RELN: variants seen among roughly 807,000 people sequenced by gnomAD.
The protein encoded by RELN is reelin.
In RELN, 108 loss-of-function variants were observed where a neutral mutation model predicts 427.6. The ratio of observed to expected loss-of-function variants is 0.25; its 90% confidence interval spans 0.22 to 0.30. The LOEUF (loss-of-function observed/expected upper bound fraction) is 0.30. Ranked by LOEUF, RELN falls within the 10% of genes least tolerant of loss-of-function variation. The pLI is 1.00. For missense variants in RELN, 3,715 were observed against 4,302.8 expected (o/e 0.86, Z 3.82); for synonymous variants, 1,524 against 1,513.4 (o/e 1.01, Z -0.16).
At chr7:103,909,606 C>T (rs1359754528) in intron 2 of RELN, among the ~76,000 whole-genome samples, 1 of 126,908 alleles carries the variant, frequency 7.9e-6, no homozygotes, top group Non-Finnish European at 1.6e-5. Context: ...GACTTCATCT[C>T]AAAAACAAAC....
At chr7:103,776,371 C>T (rs951046954) in intron 4 of RELN, among the ~76,000 whole-genome samples, 186 bp downstream of exon 4, 1 of 152,132 alleles carries the variant, frequency 6.6e-6, no homozygotes, top group African/African-American at 2.4e-5. Context: ...CACTTAGTAT[C>T]TTCAAAAGTC....
At chr7:103,629,863 C>A (rs1270618583) in intron 20 of RELN, 77 bp downstream of exon 20, 4 of 938,980 alleles carry the variant, frequency 4.3e-6, no homozygotes, top group Admixed American at 1.7e-5. Flanking sequence ...TGACTAAATG[C>A]TGAATAGACT....
At chr7:103,655,813 G>C (rs750763297) in intron 12 of RELN, among the ~76,000 whole-genome samples, 2 of 152,072 alleles carry the variant, frequency 1.3e-5, no homozygotes, top group African/African-American at 2.4e-5. Flanking sequence ...TCCCACAGTG[G>C]AACAGGATGC....
chr7:103,917,226 A>G (rs754913407), intron 1 of RELN, 41 bp from the exon 2 acceptor site: 7 of 1,385,182 alleles, frequency 5.1e-6, no homozygotes, highest in Non-Finnish European at 7.2e-6. Context: ...CAATACAGTC[A>G]GAATAACACA....
rs1797177356 is a variant in RELN at position 103,989,374 on chromosome 7, C to T, written c.-18G>A. On this transcript the variant is annotated 5_prime_UTR_variant, in exon 1 of 65. Coordinates refer to ENST00000428762, the MANE Select transcript of RELN (RefSeq NM_005045.4). This position sits in a 1 kb window ranked among gnomAD's most constrained non-coding sequence, Gnocchi z 4.9. ...CGCTCCATGCCGCCGCCGCCGCCGC[C>T]GCCGCCGCGCGCCCTACGCGCCGCT... The T allele has an allele frequency of 1.4e-6, 2 of 1,425,344 alleles. No individual in the cohort carries two copies. Among genetic ancestry groups the T allele is most frequent in the Non-Finnish European group, 1.8e-6 (2 of 1,094,674 alleles). 88.3% of individuals were successfully genotyped at this position (1,425,344 alleles called of 1,614,324 possible).
intron 46 of RELN, among the ~76,000 whole-genome samples, chr7:103,534,211 ATAACTC>A (rs774791920): frequency 6.6e-6 from 1 of 152,230 alleles, no homozygotes; most frequent in Non-Finnish European, 1.5e-5. Flanking sequence ...AGCCCAAACT[ATAACTC>A]CTGTTCCACA....
intron 2 of RELN, among the ~76,000 whole-genome samples, chr7:103,838,587 G>A (rs1040105033): frequency 3.9e-5 from 6 of 152,168 alleles, no homozygotes; most frequent in Admixed American, 6.5e-5. Context: ...CTCAGGAGCT[G>A]CCACTCCCCT....
chr7:103,925,462 T>C (rs925677639), intron 1 of RELN, among the ~76,000 whole-genome samples: 1 of 152,190 alleles, frequency 6.6e-6, no homozygotes, highest in African/African-American at 2.4e-5. Context: ...CAAGAGTAAC[T>C]GGTATTTGTG....
chr7:103,591,266 T>G (rs1201013329), intron 27 of RELN, among the ~76,000 whole-genome samples: 2 of 152,180 alleles, frequency 1.3e-5, no homozygotes, highest in Non-Finnish European at 2.9e-5. Flanking sequence ...ATAGTCTGAT[T>G]TTTAGAAGGA....
chr7:103,794,551 A>G (rs1000332532), intron 3 of RELN, among the ~76,000 whole-genome samples: 4 of 152,214 alleles, frequency 2.6e-5, no homozygotes, highest in African/African-American at 9.6e-5. Context: ...CAACAACAAC[A>G]AAAACAGGCA....
intron 3 of RELN, among the ~76,000 whole-genome samples, chr7:103,832,018 T>A (rs574057174): frequency 6.6e-6 from 1 of 152,304 alleles, no homozygotes; most frequent in African/African-American, 2.4e-5. Flanking sequence ...GAGAAAATGA[T>A]GGGTTTAAAT....
intron 11 of RELN, among the ~76,000 whole-genome samples, chr7:103,670,468 T>A (rs1184643295): frequency 2.0e-5 from 3 of 152,128 alleles, no homozygotes; most frequent in Non-Finnish European, 2.9e-5. Flanking sequence ...GAAGGGACTT[T>A]CATAATATGT....
At chr7:103,855,011 G>A (rs1793910430) in intron 2 of RELN, among the ~76,000 whole-genome samples, 1 of 152,196 alleles carries the variant, frequency 6.6e-6, no homozygotes, top group African/African-American at 2.4e-5. Context: ...ATGTATAGCA[G>A]CATTTAAATG....
chr7:103,471,984 A>G lies in RELN; in HGVS notation c.*828T>C, dbSNP rs551241955. On this transcript the variant is annotated 3_prime_UTR_variant, in exon 65 of 65. Transcript: ENST00000428762. ...TCCACGAAGAAAACACAATGAAAAA[A>G]CAACCACTGTTTTACAAATCACTCT... 2.0e-5 allele frequency: 3 copies of G among 152,600 alleles called. No homozygotes were observed. The highest frequency in any genetic ancestry group is 2.9e-5 in the Non-Finnish European group (2 of 68,012). 9.5% of individuals were successfully genotyped at this position (152,600 alleles called of 1,614,324 possible). A position where few individuals can be genotyped will look rare whatever the true frequency, so the allele number is the denominator to read the frequency against.
intron 42 of RELN, 61 bp from the exon 43 acceptor site, chr7:103,542,939 T>C: frequency 6.5e-7 from 1 of 1,537,556 alleles, no homozygotes; most frequent in African/African-American, 1.4e-5. Context: ...TGTATTATAT[T>C]TTTAAAAGGA....
chr7:103,711,714 T>C (rs1789806426), intron 8 of RELN, among the ~76,000 whole-genome samples: 1 of 152,132 alleles, frequency 6.6e-6, no homozygotes, highest in Non-Finnish European at 1.5e-5. Context: ...TGGAGTGCAG[T>C]GGTATGATCA....
At chr7:103,771,017 C>A (rs553462239) in intron 4 of RELN, among the ~76,000 whole-genome samples, 1 of 149,156 alleles carries the variant, frequency 6.7e-6, no homozygotes, top group Non-Finnish European at 1.5e-5. Context: ...CAGGTTTAAG[C>A]GATTCTCTTG....
chr7:103,662,174 C>T (rs1056743305), intron 11 of RELN, among the ~76,000 whole-genome samples: 2 of 152,058 alleles, frequency 1.3e-5, no homozygotes, highest in Non-Finnish European at 2.9e-5. Flanking sequence ...ATTACTACCC[C>T]AATTTTAGAT....
Position 103,706,687 on chromosome 7 carries a change from T to C in RELN, c.806-5681A>G, listed in dbSNP as rs189035353. On this transcript the variant is annotated intron_variant, in intron 8 of 64. Coordinates refer to ENST00000428762, the MANE Select transcript of RELN (RefSeq NM_005045.4). ...TACATTTTCAAAGGGTACATGAACA[T>C]ATTAGGATGGGTCTATGTGCTGCTG... 4.1e-3 allele frequency among the ~76,000 whole-genome samples: 621 copies of C among 152,174 alleles called. 3 individuals carry two copies. The highest frequency in any genetic ancestry group is 6.5e-3 in the Non-Finnish European group (440 of 67,996).
Sources: gnomAD v4.1 joint callset for allele counts (sites outside exome capture counted in the v4.1 genomes callset) on GRCh38, gnomAD v4.1.1 for gene constraint, Gnocchi (gnomAD v3.1) non-coding constraint, MANE v1.5 for transcripts, NCBI Gene and HGNC (gene_info 2026-07-23, HGNC 2026-07-21) for gene names.